C1orf167: variants seen among roughly 807,000 people sequenced by gnomAD.
C1orf167 encodes uncharacterized protein C1orf167.
Under a neutral mutation model 176.5 loss-of-function variants are expected in C1orf167, and 153 were observed. The ratio of observed to expected loss-of-function variants is 0.87; its 90% confidence interval spans 0.76 to 0.99. The LOEUF (loss-of-function observed/expected upper bound fraction) is 0.99, where lower values mean the gene tolerates loss of function less well. C1orf167 is among the 50% of genes least tolerant of loss of function. The pLI is 0.00. For missense variants in C1orf167, 1,490 were observed against 1,817.7 expected, an observed-to-expected ratio of 0.82 and a Z score of 3.28; for synonymous variants, 594 against 752.7, an observed-to-expected ratio of 0.79 and a Z score of 3.45.
rs1238543275 is a variant in C1orf167, at chr1:11,776,446, C to T, written c.2165-18C>T. 1.5e-6 allele frequency: 2 copies of T among 1,297,624 alleles called. No homozygotes were observed. Among genetic ancestry groups the T allele is most frequent in the East Asian group, 5.6e-5 (1 of 17,716 alleles). The allele number at this position is 1,297,624 out of a possible 1,614,324, so 80.4% of individuals were successfully genotyped here. ...GTCAGTGGGGAGGCAGCTGACTGGA[C>T]TCTTGACGGTTTCTCAGGACGTGAG... is the stretch of plus-strand genomic sequence containing the variant. On this transcript the variant is annotated intron_variant, in intron 9 of 20. Coordinates refer to ENST00000688073, the MANE Select transcript of C1orf167 (RefSeq NM_001010881.2).
intron 17 of C1orf167, 132 bp from the exon 18 acceptor site, chr1:11,787,741 G>C (rs1487542568): frequency 2.6e-6 from 3 of 1,144,490 alleles, no homozygotes; most frequent in Admixed American, 8.1e-5. Flanking sequence ...TGGGGAGATG[G>C]GGGCAGGGCA....
Position 11,771,728 on chromosome 1 carries a change from G to A in C1orf167, c.1810+92G>A, listed in dbSNP as rs115689413. The A allele has an allele frequency of 4.9e-4, 391 of 797,948 alleles. 2 individuals are homozygous for A. The African/African-American group carries it at 6.5e-3, about 13-fold the overall frequency. 49.4% of individuals were successfully genotyped at this position (797,948 alleles called of 1,614,324 possible). ...TGGGCAGGGGCGGGGGACCCTGGGCGAATGAATGTTTATTTTGCATCTGCT... is the reference window on the plus strand; with the variant it reads ...TGGGCAGGGGCGGGGGACCCTGGGCAAATGAATGTTTATTTTGCATCTGCT... On this transcript the variant is annotated intron_variant, in intron 7 of 20. Transcript: ENST00000688073.
rs891952402 is a variant in C1orf167 at position 11,779,921 on chromosome 1, T to A, written c.2771T>A (p.Leu924Gln). 1 of 1,302,472 alleles carries A rather than the reference T, an allele frequency of 7.7e-7. No homozygotes were observed. Among genetic ancestry groups the A allele is most frequent in the Non-Finnish European group, 1.0e-6 (1 of 988,644 alleles). The allele number at this position is 1,302,472 out of a possible 1,614,324, so 80.7% of individuals were successfully genotyped here. A position where few individuals can be genotyped will look rare whatever the true frequency, so the allele number is the denominator to read the frequency against. ...CTGGGCCTGTGGCGTCAGCGGCTGC[T>A]GCAGTCACGGCTGGTGGAGTGGTGG... is the stretch of plus-strand genomic sequence containing the variant. ...AVLGLWRQRL[L>Q]QSRLVEWWAQ... Residue 924 changes from leucine (L) to glutamine (Q), a missense_variant, in exon 13 of 21, where the codon CTG becomes CAG. Coordinates refer to ENST00000688073, the MANE Select transcript of C1orf167 (RefSeq NM_001010881.2).
rs1366512515 is a variant in C1orf167 at position 11,768,197 on chromosome 1, CT to C, written c.1466del (p.Leu489CysfsTer82). 2.3e-6 allele frequency: 3 copies of C among 1,289,774 alleles called. No individual in the cohort carries two copies. The highest frequency in any genetic ancestry group is 4.6e-5 in the Admixed American group (2 of 43,564). The allele number at this position is 1,289,774 out of a possible 1,614,324, so 79.9% of individuals were successfully genotyped here. On this transcript the variant is annotated frameshift_variant, in exon 5 of 21. Transcript: ENST00000688073. LOFTEE classifies it high-confidence loss of function. This position sits in a 1 kb window ranked among gnomAD's most constrained non-coding sequence, Gnocchi z 4.5. ...AGCTGTTGCGAAAGTGCCTTCAGGC[CT>C]TGTGGCTCCGGGAGGCTCAGCTGGA... ...WQLLRKCLQALWLREAQLEAA... is the reference protein window; with the variant it reads ...WQLLRKCLQAXWLREAQLEAA...
chr1:11,767,461 CTGA>C (rs1380122252), intron 4 of C1orf167, among the ~76,000 whole-genome samples, 197 bp downstream of exon 4: 1 of 152,156 alleles, frequency 6.6e-6, no homozygotes, highest in Non-Finnish European at 1.5e-5. Context: ...AACGAAGGGA[CTGA>C]TGCTCATGGG....
Position 11,762,201 on chromosome 1 carries a change from C to T in C1orf167, c.-175C>T, listed in dbSNP as rs1413138703. 1 of 448,630 alleles carries T rather than the reference C, an allele frequency of 2.2e-6. No homozygotes were observed. The highest frequency in any genetic ancestry group is 2.4e-5 in the Admixed American group (1 of 42,166). 27.8% of individuals were successfully genotyped at this position (448,630 alleles called of 1,614,324 possible). ...AGCACGCTCTGCTCTCCGACGTCCC[C>T]TCCCGCCCGCGACCTGCCGACCTGC... On this transcript the variant is annotated 5_prime_UTR_variant, in exon 1 of 21. Coordinates refer to ENST00000688073, the MANE Select transcript of C1orf167 (RefSeq NM_001010881.2).
chr1:11,778,497 G>C, intron 10 of C1orf167, 163 bp from the exon 11 acceptor site: 1 of 509,212 alleles, frequency 2.0e-6, no homozygotes, highest in East Asian at 8.4e-5. Context: ...TGCAGCCGCT[G>C]TGGGGGGCAG....
chr1:11,771,890 A>G (rs1272518029), intron 7 of C1orf167, among the ~76,000 whole-genome samples, 192 bp from the exon 8 acceptor site: 1 of 152,164 alleles, frequency 6.6e-6, no homozygotes, highest in Non-Finnish European at 1.5e-5. Context: ...TGAGAGGAGC[A>G]CGGCCTGCAT....
chr1:11,776,399 C>A (rs1307002736), intron 9 of C1orf167, 65 bp from the exon 10 acceptor site: 3 of 1,245,898 alleles, frequency 2.4e-6, no homozygotes, highest in East Asian at 6.3e-5. Flanking sequence ...CAGCAGCTAT[C>A]AATGGCTGTG....
At chr1:11,783,087 G>T (rs1406967734) in intron 14 of C1orf167, among the ~76,000 whole-genome samples, 1 of 152,086 alleles carries the variant, frequency 6.6e-6, no homozygotes, top group Non-Finnish European at 1.5e-5. Context: ...TACAGTTCAT[G>T]AATGCATATT....
At chr1:11,769,674 G>GT (rs70983593) in intron 6 of C1orf167, among the ~76,000 whole-genome samples, 117,371 of 142,118 alleles carry the variant, frequency 0.83, 50,504 homozygotes, top group Non-Finnish European at 0.94. Context: ...TGTTTAGGAA[G>GT]TTTTTTTTTT....
At chr1:11,783,999 A>C (rs1369478375) in intron 14 of C1orf167, among the ~76,000 whole-genome samples, 175 bp from the exon 15 acceptor site, 1 of 152,076 alleles carries the variant, frequency 6.6e-6, no homozygotes, top group African/African-American at 2.4e-5. Context: ...CTGGGATTAC[A>C]GGTGCCCACT....
At chr1:11,784,672 C>A in intron 15 of C1orf167, 79 bp downstream of exon 15, 1 of 1,179,982 alleles carries the variant, frequency 8.5e-7, no homozygotes, top group Non-Finnish European at 1.1e-6. Context: ...AGGGGTAGAG[C>A]GTAATTCATG....
At chr1:11,770,304 T>C (rs1434085079) in intron 6 of C1orf167, among the ~76,000 whole-genome samples, 1 of 151,806 alleles carries the variant, frequency 6.6e-6, no homozygotes, top group Admixed American at 6.6e-5. Flanking sequence ...ACTGCTGAAC[T>C]GTACACTTAA....
Position 11,789,424 on chromosome 1 carries a change from A to T in C1orf167, c.4328A>T (p.His1443Leu). The T allele has an allele frequency of 7.7e-7, 1 of 1,303,872 alleles. No individual in the cohort carries two copies. The highest frequency in any genetic ancestry group is 1.0e-6 in the Non-Finnish European group (1 of 988,754). 80.8% of individuals were successfully genotyped at this position (1,303,872 alleles called of 1,614,324 possible). The change falls in exon 21 of 21, where the codon CAT becomes CTT. Residue 1443 changes from histidine to leucine, a missense_variant. Coordinates refer to ENST00000688073, the MANE Select transcript of C1orf167 (RefSeq NM_001010881.2). ...APRGWGLGAEHGAQLQL is the reference protein window; with the variant it reads ...APRGWGLGAELGAQLQL ...CGGGGTTGGGGGCTTGGGGCAGAGC[A>T]TGGGGCCCAGCTGCAGCTGTGACTT...
rs551928838 is a variant in C1orf167 at position 11,779,985 on chromosome 1, A to G, written c.2835A>G (p.Leu945=). The change falls in exon 13 of 21, where the codon CTA becomes CTG. Residue 945 remains leucine, a synonymous_variant. Transcript: ENST00000688073. ...GCTGGCGGCTGGCACGAGATGCCCT[A>G]TGCCACTGGCACTCCTGTTGGCAGG... ...ERGWRLARDA[L]CHWHSCWQGQ... is the part of the protein sequence containing the mutation. 699 of 1,290,380 alleles carry G rather than the reference A, an allele frequency of 5.4e-4. No homozygotes were observed. Among genetic ancestry groups the G allele is most frequent in the Non-Finnish European group, 7.0e-4 (685 of 980,106 alleles). The allele number at this position is 1,290,380 out of a possible 1,614,324, so 79.9% of individuals were successfully genotyped here.
At chr1:11,782,389 G>C in intron 14 of C1orf167, 56 bp downstream of exon 14, 1 of 1,162,374 alleles carries the variant, frequency 8.6e-7, no homozygotes, top group Non-Finnish European at 1.1e-6. Flanking sequence ...GGAATAGCAA[G>C]GAGAGCACCC....
At chr1:11,779,183 T>C in intron 12 of C1orf167, 103 bp downstream of exon 12, 1 of 1,105,392 alleles carries the variant, frequency 9.0e-7, no homozygotes, top group South Asian at 1.6e-5. Context: ...CCTTGGGGTC[T>C]GCACCTCAGG....
intron 16 of C1orf167, 94 bp from the exon 17 acceptor site, chr1:11,787,294 G>A: frequency 1.5e-6 from 1 of 664,238 alleles, no homozygotes; most frequent in Non-Finnish European, 2.1e-6. Flanking sequence ...GCCGGGATGT[G>A]TCCTGCCAGC....
Sources: allele counts gnomAD v4.1 joint callset (sites outside exome capture counted in the v4.1 genomes callset), GRCh38; gene constraint gnomAD v4.1.1; non-coding constraint Gnocchi (gnomAD v3.1); transcripts MANE v1.5; gene names NCBI Gene and HGNC (gene_info 2026-07-23, HGNC 2026-07-21).